The following PLEKHA6 variants were observed in gnomAD, a reference collection of about 807,000 sequenced individuals.
PLEKHA6 encodes the protein pleckstrin homology domain containing A6.
In PLEKHA6, 60 loss-of-function variants were observed where a neutral mutation model predicts 116.7. The ratio of observed to expected loss-of-function variants is 0.51; its 90% CI spans 0.42 to 0.64. PLEKHA6 has a LOEUF of 0.64. Among genes scored for constraint, PLEKHA6 ranks in the 30% least tolerant of loss-of-function variants. The pLI, the probability that PLEKHA6 is intolerant of heterozygous loss-of-function variation, is 0.00. For synonymous variants in PLEKHA6, 489 were observed against 556.1 expected (o/e 0.88, Z 1.70); for missense variants, 1,338 against 1,422.7 (o/e 0.94, Z 0.96).
At chr1:204,272,878 C>T (rs1414202072) in intron 3 of PLEKHA6, among the ~76,000 whole-genome samples, 1 of 152,134 alleles carries the variant, frequency 6.6e-6, no homozygotes, top group African/African-American at 2.4e-5. Context: ...GGCAAGTGCT[C>T]CATTATGTGA....
At chr1:204,302,121 T>C (rs1670883514) in intron 1 of PLEKHA6, among the ~76,000 whole-genome samples, 1 of 152,180 alleles carries the variant, frequency 6.6e-6, no homozygotes. Context: ...GTGTATCACA[T>C]GGAGACCTGA....
chr1:204,223,646 C>A lies in PLEKHA6; in HGVS notation c.3032-61G>T. 1 of 651,444 alleles carries A rather than the reference C, an allele frequency of 1.5e-6. No homozygotes were observed. Among genetic ancestry groups the A allele is most frequent in the Admixed American group, 2.4e-5 (1 of 40,992 alleles). 40.4% of individuals were successfully genotyped at this position (651,444 alleles called of 1,614,324 possible). A position where few individuals can be genotyped will look rare whatever the true frequency, so the allele number is the denominator to read the frequency against. On this transcript the variant is annotated intron_variant, in intron 21 of 22. Coordinates refer to ENST00000272203, the MANE Select transcript of PLEKHA6 (RefSeq NM_014935.5). This position sits in a 1 kb window ranked among gnomAD's most constrained non-coding sequence, Gnocchi z 4.8. ...TGGGTGGGGGAGGAGGGTGGGCACCCAGAGCAAGCGAGGCCCTCCCCAGGC... is the reference window on the plus strand; with the variant it reads ...TGGGTGGGGGAGGAGGGTGGGCACCAAGAGCAAGCGAGGCCCTCCCCAGGC...
At chr1:204,369,345 G>A (rs1303277802) in intron 2 of PLEKHA6, 8 of 151,850 alleles carry the variant, frequency 5.3e-5, no homozygotes, top group Admixed American at 5.2e-4. Context: ...GGATGTGAGT[G>A]CTGCTGTGCT....
At chr1:204,256,334 A>G (rs564949830) in intron 9 of PLEKHA6, among the ~76,000 whole-genome samples, 34 of 152,298 alleles carry the variant, frequency 2.2e-4, no homozygotes, top group African/African-American at 7.7e-4. Context: ...AGAGGCAGAG[A>G]AAAAGGAGGA....
intron 1 of PLEKHA6, among the ~76,000 whole-genome samples, chr1:204,285,162 T>C (rs541974547): frequency 3.9e-5 from 6 of 152,360 alleles, no homozygotes; most frequent in East Asian, 1.9e-4. Context: ...GAACATTCTA[T>C]TGGACAGCAC....
At chr1:204,278,639 C>T (rs974980987) in intron 1 of PLEKHA6, among the ~76,000 whole-genome samples, 5 of 152,178 alleles carry the variant, frequency 3.3e-5, no homozygotes, top group African/African-American at 4.8e-5. Flanking sequence ...TGGGGTCAAC[C>T]GCTGCTGATA....
chr1:204,243,297 A>G (rs1237081891), intron 15 of PLEKHA6: 11 of 399,602 alleles, frequency 2.8e-5, no homozygotes, highest in South Asian at 1.3e-4. Flanking sequence ...ATTAGGAGGA[A>G]CAAGAGCAGC....
chr1:204,346,637 C>A (rs1304175445), intron 1 of PLEKHA6: 3 of 644,050 alleles, frequency 4.7e-6, no homozygotes, highest in African/African-American at 3.7e-5. Flanking sequence ...TCCTCCCTCA[C>A]TTCCCAATGT....
chr1:204,288,619 G>A (rs1669441119), intron 1 of PLEKHA6, among the ~76,000 whole-genome samples: 1 of 152,236 alleles, frequency 6.6e-6, no homozygotes, highest in African/African-American at 2.4e-5. Context: ...GGGATGGGAA[G>A]CAGTGGGAAG....
intron 1 of PLEKHA6, among the ~76,000 whole-genome samples, chr1:204,290,826 C>T (rs1217264867): frequency 2.6e-5 from 4 of 151,966 alleles, no homozygotes; most frequent in Admixed American, 6.6e-5. Flanking sequence ...CCCGTCACTA[C>T]TAACAATACA....
intron 1 of PLEKHA6, among the ~76,000 whole-genome samples, chr1:204,351,948 T>C (rs1332099059): frequency 6.6e-6 from 1 of 152,100 alleles, no homozygotes; most frequent in Non-Finnish European, 1.5e-5. Flanking sequence ...GTGGTGCATG[T>C]CTGTAATCCC....
chr1:204,322,485 G>A (rs538907520), intron 1 of PLEKHA6, among the ~76,000 whole-genome samples: 1 of 152,216 alleles, frequency 6.6e-6, no homozygotes, highest in Admixed American at 6.5e-5. Context: ...AGCCAGTGGG[G>A]TCGCACAGCA....
chr1:204,302,565 G>A (rs934183945), intron 1 of PLEKHA6, among the ~76,000 whole-genome samples: 1 of 152,162 alleles, frequency 6.6e-6, no homozygotes, highest in Admixed American at 6.5e-5. Flanking sequence ...CACTGGAGGG[G>A]ACCAGAGGTG....
chr1:204,329,711 C>T (rs1421538610), intron 1 of PLEKHA6, among the ~76,000 whole-genome samples: 1 of 152,074 alleles, frequency 6.6e-6, no homozygotes, highest in Non-Finnish European at 1.5e-5. Flanking sequence ...TGTTAAATGA[C>T]ACGATGAGGA....
At chr1:204,280,552 C>G (rs982982848) in intron 1 of PLEKHA6, 16 of 711,926 alleles carry the variant, frequency 2.2e-5, no homozygotes, top group Non-Finnish European at 2.1e-5. Flanking sequence ...CTGAGGACGC[C>G]TTGGCTTCCA....
chr1:204,250,435 T>C, intron 10 of PLEKHA6, 111 bp downstream of exon 10: 1 of 758,498 alleles, frequency 1.3e-6, no homozygotes, highest in Non-Finnish European at 2.4e-6. Flanking sequence ...GAGAGATAGA[T>C]GGAGAGACAG....
intron 1 of PLEKHA6, chr1:204,298,087 G>T (rs1439881311): frequency 6.2e-6 from 1 of 160,464 alleles, no homozygotes; most frequent in East Asian, 1.9e-4. Context: ...TCAGACATGT[G>T]TCTCTTCTCC....
chr1:204,344,783 C>T (rs986539545), intron 1 of PLEKHA6, among the ~76,000 whole-genome samples: 9 of 147,312 alleles, frequency 6.1e-5, no homozygotes, highest in African/African-American at 2.3e-4. Context: ...CAGAAAAGGA[C>T]AGATGAGATG....
chr1:204,318,647 C>T (rs530596001), intron 1 of PLEKHA6, among the ~76,000 whole-genome samples: 1 of 152,310 alleles, frequency 6.6e-6, no homozygotes, highest in South Asian at 2.1e-4. Context: ...AACAATAACT[C>T]CAGGGTCACA....
Sources: allele counts gnomAD v4.1 joint callset (sites outside exome capture counted in the v4.1 genomes callset), GRCh38; gene constraint gnomAD v4.1.1; non-coding constraint Gnocchi (gnomAD v3.1); transcripts MANE v1.5; gene names NCBI Gene and HGNC (gene_info 2026-07-23, HGNC 2026-07-21).